Variants in CHD8 observed in about 807,000 individuals in gnomAD.
CHD8 encodes chromodomain helicase DNA binding protein 8, also known as ATP-dependent chromatin remodeler CHD8.
CHD8 carries 31 observed loss-of-function variants against 279.2 expected under a neutral mutation model. That is an observed-to-expected ratio of 0.11 (90% CI 0.08 to 0.15). The LOEUF (loss-of-function observed/expected upper bound fraction) is 0.15, where lower values mean the gene tolerates loss of function less well. Ranked by LOEUF, CHD8 falls within the 10% of genes least tolerant of loss-of-function variation. The probability of loss-of-function intolerance (pLI) is 1.00; values close to 1 mark genes in which losing one functional copy is unlikely to be tolerated. For missense variants in CHD8, 2,146 were observed against 3,230.5 expected (o/e 0.66, Z 8.14); for synonymous variants, 1,081 against 1,139.6 (o/e 0.95, Z 1.04).
intron 5 of CHD8, among the ~76,000 whole-genome samples, chr14:21,418,086 A>T (rs1250718050): frequency 6.6e-6 from 1 of 152,048 alleles, no homozygotes; most frequent in Non-Finnish European, 1.5e-5. Context: ...AGAAAAAAAT[A>T]AACTACTCAT....
At chr14:21,437,252 C>A (rs1594386200) in intron 1 of CHD8, 1 of 1,166,594 alleles carries the variant, frequency 8.6e-7, no homozygotes. Flanking sequence ...CACCAGTTCC[C>A]CCTCCTCCTG....
intron 27 of CHD8, chr14:21,397,136 C>T: frequency 1.3e-5 from 3 of 236,298 alleles, no homozygotes; most frequent in Admixed American, 4.7e-5. Context: ...CTGTGTTCTT[C>T]TGAGCAGACA....
chr14:21,435,525 T>G (rs988940562), intron 1 of CHD8, among the ~76,000 whole-genome samples: 1 of 152,238 alleles, frequency 6.6e-6, no homozygotes, highest in African/African-American at 2.4e-5. Context: ...TGCCCATTTC[T>G]ATAATAAACT....
intron 5 of CHD8, among the ~76,000 whole-genome samples, chr14:21,421,667 T>G (rs1889049725): frequency 6.6e-6 from 1 of 152,172 alleles, no homozygotes; most frequent in African/African-American, 2.4e-5. Context: ...TAAGTGTCTG[T>G]TCCTTAACTT....
Position 21,394,446 on chromosome 14 carries a change from C to T in CHD8, c.5430G>A (p.Val1810=), listed in dbSNP as rs1201462207. The change falls in exon 31 of 38, where the codon GTG becomes GTA. Residue 1810 remains valine, a synonymous_variant. Coordinates refer to ENST00000646647, the MANE Select transcript of CHD8 (RefSeq NM_001170629.2). The part of the protein sequence containing the change: ...RREQTDFYRV[V]STFGVEYDPD... ...GGTCATATTCCACACCAAACGTAGA[C>T]ACCACTCGATAAAAATCAGTTTGTT... is the stretch of plus-strand genomic sequence containing the variant. 2 of 1,610,870 alleles carry T rather than the reference C, an allele frequency of 1.2e-6. No individual in the cohort carries two copies. Among genetic ancestry groups the T allele is most frequent in the African/African-American group, 2.7e-5 (2 of 74,850 alleles).
At position 21,393,145 on chromosome 14, in the gene CHD8, CAGA is replaced by C. The variant is rs1213737357; in HGVS notation, c.6426_6428del (p.Leu2145del). 1 of 1,613,952 alleles carries C rather than the reference CAGA, an allele frequency of 6.2e-7. No individual in the cohort carries two copies. The highest frequency in any genetic ancestry group is 2.2e-5 in the East Asian group (1 of 44,884). ...AGGCTCTTTGTCTTTCCTGCAGTAG[CAGA>C]AGCTCAGGGGTCATTTGTTCTCCAT... On this transcript the variant is annotated inframe_deletion, in exon 33 of 38. Coordinates refer to ENST00000646647, the MANE Select transcript of CHD8 (RefSeq NM_001170629.2).
intron 1 of CHD8, among the ~76,000 whole-genome samples, chr14:21,434,039 CTTTTTTTTTT>C (rs57822562): frequency 2.6e-5 from 3 of 115,884 alleles, no homozygotes; most frequent in Non-Finnish European, 1.9e-5. Context: ...GTGAAAGTTT[CTTTTTTTTTT>C]TTTTTTTTTT....
chr14:21,389,064 G>A (rs1458136429), intron 37 of CHD8, among the ~76,000 whole-genome samples: 1 of 152,190 alleles, frequency 6.6e-6, no homozygotes, highest in Non-Finnish European at 1.5e-5. Flanking sequence ...CACTTTGGGA[G>A]GCTGAGGCGG....
At chr14:21,450,912 G>C (rs1470987329) in intron 1 of CHD8, among the ~76,000 whole-genome samples, 1 of 152,082 alleles carries the variant, frequency 6.6e-6, no homozygotes, top group African/African-American at 2.4e-5. Context: ...ACATACAAGG[G>C]AGCAATGAAG....
At chr14:21,436,198 C>T (rs759748579) in intron 1 of CHD8, among the ~76,000 whole-genome samples, 1 of 152,166 alleles carries the variant, frequency 6.6e-6, no homozygotes, top group Non-Finnish European at 1.5e-5. Flanking sequence ...ATTTTATTTA[C>T]TTCAAAGAAC....
chr14:21,421,671 T>C (rs1383315822), intron 5 of CHD8, among the ~76,000 whole-genome samples: 7 of 152,206 alleles, frequency 4.6e-5, no homozygotes, highest in Admixed American at 4.6e-4. Flanking sequence ...TGTCTGTTCC[T>C]TAACTTCATT....
intron 16 of CHD8, among the ~76,000 whole-genome samples, chr14:21,404,139 T>C (rs1404309523): frequency 6.7e-6 from 1 of 149,256 alleles, no homozygotes; most frequent in Non-Finnish European, 1.5e-5. Flanking sequence ...GGTTCACGCC[T>C]GTAATCCCAG....
Position 21,408,156 on chromosome 14 carries a change from C to T in CHD8, c.2730+156G>A, listed in dbSNP as rs1222342535. 6.6e-6 allele frequency among the ~76,000 whole-genome samples: 1 copy of T among 152,098 alleles called. No individual in the cohort carries two copies. Among genetic ancestry groups the T allele is most frequent in the African/African-American group, 2.4e-5 (1 of 41,414 alleles). ...AGCAAAGTCAAAAAAATGCCCTGCACACTGCTATACAAAAATGCCTTAAAC... is the reference window on the plus strand; with the variant it reads ...AGCAAAGTCAAAAAAATGCCCTGCATACTGCTATACAAAAATGCCTTAAAC... On this transcript the variant is annotated intron_variant, in intron 13 of 37. Coordinates refer to ENST00000646647, the MANE Select transcript of CHD8 (RefSeq NM_001170629.2). The surrounding 1 kb of genome is among the most constrained non-coding windows in gnomAD (Gnocchi z 4.3).
chr14:21,395,268 A>T, intron 29 of CHD8, 30 bp downstream of exon 29: 1 of 1,576,510 alleles, frequency 6.3e-7, no homozygotes. Context: ...CACCCCACAC[A>T]GAATTATACT....
Position 21,442,442 on chromosome 14 carries a change from G to A in CHD8, c.-215-10584C>T, listed in dbSNP as rs1433693400. Among the ~76,000 whole-genome samples the A allele has an allele frequency of 8.6e-5, 13 of 151,868 alleles. No individual in the cohort carries two copies. In the East Asian group the frequency reaches 1.7e-3, roughly 20 times the overall value. ...ACTGTGCCACTGTACTTTAGCCTGG[G>A]CAATAGAGTCTGACCCTGTCTCAAA... On this transcript the variant is annotated intron_variant, in intron 1 of 37. Coordinates refer to ENST00000646647, the MANE Select transcript of CHD8 (RefSeq NM_001170629.2).
In CHD8 at chr14:21,429,314, G is replaced by A. The variant is rs1889461963; in HGVS notation, c.865C>T (p.Leu289=). Residue 289 remains leucine, a synonymous_variant, in exon 3 of 38, where the codon CTG becomes TTG. Coordinates refer to ENST00000646647, the MANE Select transcript of CHD8 (RefSeq NM_001170629.2). ...CCAGACTGTGGCTGCTGGAGGACCA[G>A]GGTGATGCGTTTCGATTCACCCTAA... ...PTQGESKRIT[L]VLQQPQSGGP... 1.9e-6 allele frequency: 3 copies of A among 1,603,732 alleles called. No individual in the cohort carries two copies. Among genetic ancestry groups the A allele is most frequent in the Non-Finnish European group, 2.6e-6 (3 of 1,172,556 alleles).
chr14:21,431,079 G>A lies in CHD8; in HGVS notation c.565C>T (p.Pro189Ser). The change falls in exon 2 of 38, where the codon CCC (proline) becomes TCC (serine). Residue 189 changes from proline (P) to serine (S), a missense_variant. Coordinates refer to ENST00000646647, the MANE Select transcript of CHD8 (RefSeq NM_001170629.2). ...CCATTGGCTGTGCCTGCCACCAGGG[G>A]CTGAGCTGTGCTGGTGATACCTTGG... The part of the protein sequence containing the change: ...QAQGITSTAQ[P>S]LVAGTANGGK... 6.3e-7 allele frequency: 1 copy of A among 1,599,252 alleles called. No homozygotes were observed. The highest frequency in any genetic ancestry group is 8.5e-7 in the Non-Finnish European group (1 of 1,179,664).
At chr14:21,392,976 A>G in intron 33 of CHD8, 130 bp downstream of exon 33, 2 of 1,138,290 alleles carry the variant, frequency 1.8e-6, no homozygotes, top group Non-Finnish European at 2.4e-6. Context: ...GTTTCCTGGA[A>G]AAAAAAAAAA....
intron 1 of CHD8, among the ~76,000 whole-genome samples, chr14:21,453,887 G>A (rs1890314527): frequency 6.6e-6 from 1 of 151,794 alleles, no homozygotes; most frequent in Admixed American, 6.6e-5. Flanking sequence ...TTAGAAAAGT[G>A]GCTCATGCCT....
Sources: allele counts gnomAD v4.1 joint callset (sites outside exome capture counted in the v4.1 genomes callset), GRCh38; gene constraint gnomAD v4.1.1; non-coding constraint Gnocchi (gnomAD v3.1); transcripts MANE v1.5; gene names NCBI Gene and HGNC (gene_info 2026-07-23, HGNC 2026-07-21).